TNIP3: variants seen among roughly 807,000 people sequenced by gnomAD.
The protein encoded by TNIP3 is TNFAIP3-interacting protein 3.
In TNIP3, 34 loss-of-function variants were observed where a neutral mutation model predicts 54.1. The ratio of observed to expected loss-of-function variants is 0.63; its 90% CI spans 0.48 to 0.84. The LOEUF (loss-of-function observed/expected upper bound fraction) is 0.84. Ranked by LOEUF, TNIP3 falls within the 40% of genes least tolerant of loss-of-function variation. TNIP3 has a pLI of 0.00. For synonymous variants in TNIP3, 134 were observed against 136.8 expected (o/e 0.98, Z 0.14); for missense variants, 366 against 387.6 (o/e 0.94, Z 0.47).
upstream of TNIP3, among the ~76,000 whole-genome samples, chr4:121,221,507 A>T (rs1461364448): frequency 1.3e-5 from 2 of 152,250 alleles, no homozygotes; most frequent in Non-Finnish European, 2.9e-5. Context: ...TAAGAATATG[A>T]TAATGATATT....
intron 10 of TNIP3, among the ~76,000 whole-genome samples, chr4:121,134,928 T>G (rs1473014416): frequency 2.0e-5 from 3 of 152,260 alleles, no homozygotes; most frequent in African/African-American, 7.2e-5. Context: ...CTTCCAAGAT[T>G]CATGTGGTCC....
intron 7 of TNIP3, 60 bp from the exon 8 acceptor site, chr4:121,142,836 C>T: frequency 7.1e-7 from 1 of 1,413,462 alleles, no homozygotes; most frequent in South Asian, 1.2e-5. Flanking sequence ...AATTCCCAAG[C>T]CACTCTTGAC....
Position 121,147,193 on chromosome 4 carries a change from C to G in TNIP3, c.610-19G>C. The stretch of plus-strand genomic sequence containing the variant: ...TTTGCACCTAAGAAATATTAGCTTG[C>G]TGTTACTGTAAGCTTCCTTTTCACT... On this transcript the variant is annotated intron_variant, in intron 6 of 10. Transcript: ENST00000057513. 6.3e-7 allele frequency: 1 copy of G among 1,598,524 alleles called. No homozygotes were observed. The highest frequency in any genetic ancestry group is 8.5e-7 in the Non-Finnish European group (1 of 1,174,646).
chr4:121,163,074 A>G (rs549133608), intron 1 of TNIP3, among the ~76,000 whole-genome samples: 29 of 152,250 alleles, frequency 1.9e-4, no homozygotes, highest in African/African-American at 5.5e-4. Context: ...TAGATACCAA[A>G]TCTGCAAGAG....
rs147551126 is a variant in TNIP3 at position 121,182,742 on chromosome 4, C to T, written c.123G>A (p.Ala41=). The stretch of plus-strand genomic sequence containing the variant: ...GGGTGAACCGTTTTGGATGAGGAGA[C>T]GCATTTCTCTCAATCAGATCCTGGA... The change falls in exon 3 of 13, where the codon GCG becomes GCA. Residue 41 remains alanine (A), a synonymous_variant. Transcript: ENST00000507879. 45 of 1,534,094 alleles carry T rather than the reference C, an allele frequency of 2.9e-5. 1 individual carries two copies. The highest frequency in any genetic ancestry group is 3.7e-5 in the Non-Finnish European group (42 of 1,146,840).
At chr4:121,164,358 C>A, upstream of TNIP3, 22 of 1,280,528 alleles carry the variant, frequency 1.7e-5, 1 homozygote, top group Non-Finnish European at 2.0e-5. Context: ...TTTAACTTTT[C>A]TTCTCTTCCA....
chr4:121,146,223 G>C (rs1323223924), intron 7 of TNIP3, among the ~76,000 whole-genome samples: 1 of 151,992 alleles, frequency 6.6e-6, no homozygotes. Flanking sequence ...AAAAAAATCA[G>C]AGATAAAATT....
intron 7 of TNIP3, among the ~76,000 whole-genome samples, chr4:121,144,213 C>T (rs1218397356): frequency 1.3e-5 from 2 of 152,116 alleles, no homozygotes; most frequent in East Asian, 3.9e-4. Flanking sequence ...TTTCTCACAG[C>T]ATATAGCAGA....
At chr4:121,179,424 C>T (rs1579448944) in intron 3 of TNIP3, among the ~76,000 whole-genome samples, 1 of 152,316 alleles carries the variant, frequency 6.6e-6, no homozygotes, top group Middle Eastern at 3.4e-3. Context: ...TTTACCCCAA[C>T]AAGTATTACA....
intron 2 of TNIP3, among the ~76,000 whole-genome samples, chr4:121,202,846 A>G (rs894123384): frequency 6.6e-6 from 1 of 152,184 alleles, no homozygotes; most frequent in Non-Finnish European, 1.5e-5. Context: ...ACTAATTATA[A>G]GGAAAATGCA....
At chr4:121,184,146 T>C (rs1465240383) in intron 2 of TNIP3, among the ~76,000 whole-genome samples, 1 of 152,136 alleles carries the variant, frequency 6.6e-6, no homozygotes, top group African/African-American at 2.4e-5. Context: ...TTTCTCTCTC[T>C]CTACATATGT....
intron 10 of TNIP3, among the ~76,000 whole-genome samples, chr4:121,134,296 A>G (rs1288235505): frequency 1.3e-5 from 2 of 152,228 alleles, no homozygotes; most frequent in Non-Finnish European, 2.9e-5. Context: ...CTGGCATGCA[A>G]TGCAATCAGA....
intron 6 of TNIP3, 110 bp downstream of exon 6, chr4:121,149,993 G>T: frequency 1.5e-6 from 1 of 682,406 alleles, no homozygotes; most frequent in Non-Finnish European, 2.6e-6. Context: ...TAAAATAAAT[G>T]CAAAAACCTT....
chr4:121,190,562 G>A (rs1249312079), intron 2 of TNIP3, among the ~76,000 whole-genome samples: 1 of 152,136 alleles, frequency 6.6e-6, no homozygotes, highest in Admixed American at 6.5e-5. Context: ...GGGAAAAGGG[G>A]CTGACAAAGG....
upstream of TNIP3, among the ~76,000 whole-genome samples, chr4:121,217,841 T>C (rs1726864095): frequency 6.6e-6 from 1 of 152,188 alleles, no homozygotes; most frequent in Admixed American, 6.5e-5. Context: ...AATGCTAATT[T>C]CCAAGCATAT....
At position 121,164,321 on chromosome 4, in the gene TNIP3, T is replaced by G; in HGVS notation, c.-196A>C. 1.4e-6 allele frequency: 2 copies of G among 1,392,476 alleles called. No individual in the cohort carries two copies. Among genetic ancestry groups the G allele is most frequent in the Non-Finnish European group, 1.9e-6 (2 of 1,075,112 alleles). The allele number at this position is 1,392,476 out of a possible 1,614,324, so 86.3% of individuals were successfully genotyped here. On this transcript the variant is annotated 5_prime_UTR_variant, in exon 1 of 11. Coordinates refer to ENST00000057513, the MANE Select transcript of TNIP3 (RefSeq NM_024873.6). ...GACTGTGGATAGGAATTACACAGAA[T>G]AAAGTTATAAGCACTGCAACTGGGA... is the stretch of plus-strand genomic sequence containing the variant.
intron 2 of TNIP3, among the ~76,000 whole-genome samples, chr4:121,188,587 T>A (rs1725143364): frequency 6.6e-6 from 1 of 152,210 alleles, no homozygotes; most frequent in Admixed American, 6.5e-5. Context: ...TTTTACTAGT[T>A]GATTAGAACC....
At chr4:121,195,936 G>A (rs937014612) in intron 2 of TNIP3, among the ~76,000 whole-genome samples, 3 of 152,224 alleles carry the variant, frequency 2.0e-5, no homozygotes, top group East Asian at 1.9e-4. Flanking sequence ...TTACACTCAC[G>A]TTGCTGATGC....
At chr4:121,146,096 C>G (rs758737202) in intron 7 of TNIP3, among the ~76,000 whole-genome samples, 1 of 151,772 alleles carries the variant, frequency 6.6e-6, no homozygotes, top group Admixed American at 6.6e-5. Context: ...GCCTGAATTA[C>G]TTTCATAAAA....
Sources: allele counts gnomAD v4.1 joint callset (sites outside exome capture counted in the v4.1 genomes callset), GRCh38; gene constraint gnomAD v4.1.1; transcripts MANE v1.5; gene names NCBI Gene and HGNC (gene_info 2026-07-23, HGNC 2026-07-21).